ATOSA: variants seen among roughly 807,000 people sequenced by gnomAD.
ATOSA encodes atos homolog protein A.
At chr15:52,640,936 C>T in the ATOSA span, among the ~76,000 whole-genome samples, 1 of 152,054 alleles carries the variant, frequency 6.6e-6, no homozygotes, top group South Asian at 2.1e-4. Flanking sequence ...TCCAGCATCC[C>T]ATTATTGAAT....
the ATOSA span, among the ~76,000 whole-genome samples, chr15:52,648,994 C>T: frequency 2.0e-5 from 3 of 152,178 alleles, no homozygotes; most frequent in South Asian, 6.2e-4. Context: ...TATAACTGAG[C>T]CTCATCACAA....
the ATOSA span, chr15:52,581,973 G>C: frequency 1.2e-5 from 6 of 503,384 alleles, no homozygotes; most frequent in Non-Finnish European, 2.0e-5. Flanking sequence ...ATTAGGACAT[G>C]AGTTTTTCCA....
At chr15:52,621,274 C>T in the ATOSA span, among the ~76,000 whole-genome samples, 1 of 152,140 alleles carries the variant, frequency 6.6e-6, no homozygotes, top group African/African-American at 2.4e-5. Flanking sequence ...TGTGGAATCA[C>T]AAGCATATAT....
chr15:52,683,626 A>C, the ATOSA span, among the ~76,000 whole-genome samples: 1 of 152,242 alleles, frequency 6.6e-6, no homozygotes, highest in African/African-American at 2.4e-5. Flanking sequence ...TATATTTATT[A>C]GTCCATTTAA....
At chr15:52,586,354 A>G in the ATOSA span, 1 of 152,340 alleles carries the variant, frequency 6.6e-6, no homozygotes, top group South Asian at 2.1e-4. Context: ...GTATTGGAAC[A>G]ATGATGATGA....
At chr15:52,648,974 C>T in the ATOSA span, among the ~76,000 whole-genome samples, 1 of 152,052 alleles carries the variant, frequency 6.6e-6, no homozygotes, top group Non-Finnish European at 1.5e-5. Flanking sequence ...AGTCCTCATG[C>T]TGTCACTTTT....
the ATOSA span, among the ~76,000 whole-genome samples, chr15:52,667,037 G>A: frequency 5.9e-5 from 9 of 152,154 alleles, no homozygotes; most frequent in Non-Finnish European, 1.3e-4. Context: ...TGCTTGTAGT[G>A]ACTGAAGAAT....
the ATOSA span, among the ~76,000 whole-genome samples, chr15:52,695,041 C>T: frequency 6.6e-6 from 1 of 151,760 alleles, no homozygotes; most frequent in Non-Finnish European, 1.5e-5. Flanking sequence ...TATCATGCCT[C>T]GGCCTCCCAA....
At chr15:52,707,146 A>G in the ATOSA span, among the ~76,000 whole-genome samples, 1 of 152,250 alleles carries the variant, frequency 6.6e-6, no homozygotes, top group Non-Finnish European at 1.5e-5. Flanking sequence ...TTGGAAAGTT[A>G]CCATTTTACA....
the ATOSA span, among the ~76,000 whole-genome samples, chr15:52,638,384 A>G: frequency 6.6e-6 from 1 of 152,116 alleles, no homozygotes; most frequent in Non-Finnish European, 1.5e-5. Context: ...AACGTAAACT[A>G]CGGACTATGG....
At chr15:52,683,722 G>C in the ATOSA span, among the ~76,000 whole-genome samples, 1 of 152,222 alleles carries the variant, frequency 6.6e-6, no homozygotes, top group African/African-American at 2.4e-5. Context: ...TAAGCAGTTA[G>C]GCAGTAGCAG....
At chr15:52,633,332 A>T in the ATOSA span, among the ~76,000 whole-genome samples, 541 of 152,334 alleles carry the variant, frequency 3.6e-3, 4 homozygotes, top group African/African-American at 0.013. Flanking sequence ...CTTATACTTT[A>T]AACCACTCAA....
At chr15:52,634,882 G>A in the ATOSA span, among the ~76,000 whole-genome samples, 5 of 152,124 alleles carry the variant, frequency 3.3e-5, no homozygotes, top group Admixed American at 6.5e-5. Context: ...GATTACAGGT[G>A]TGAGCCATGG....
At chr15:52,706,330 A>C in the ATOSA span, among the ~76,000 whole-genome samples, 1 of 152,212 alleles carries the variant, frequency 6.6e-6, no homozygotes, top group African/African-American at 2.4e-5. Flanking sequence ...CAGGATCTTG[A>C]CTAGCCTCAG....
the ATOSA span, among the ~76,000 whole-genome samples, chr15:52,684,274 G>T: frequency 9.9e-4 from 150 of 152,256 alleles, 4 homozygotes; most frequent in Non-Finnish European, 5.1e-4. Context: ...GTAGCTCATG[G>T]CTCTAATTCT....
At chr15:52,614,404 C>T in the ATOSA span, among the ~76,000 whole-genome samples, 2 of 151,534 alleles carry the variant, frequency 1.3e-5, no homozygotes, top group Non-Finnish European at 2.9e-5. Context: ...CTGAGCCTGG[C>T]CTATAATTAC....
chr15:52,637,430 G>A, the ATOSA span, among the ~76,000 whole-genome samples: 2 of 152,084 alleles, frequency 1.3e-5, no homozygotes, highest in Non-Finnish European at 2.9e-5. Flanking sequence ...CCCCAAATTT[G>A]CTCGTCCTCT....
At chr15:52,668,039 C>T in the ATOSA span, among the ~76,000 whole-genome samples, 4 of 152,250 alleles carry the variant, frequency 2.6e-5, no homozygotes, top group African/African-American at 9.6e-5. Flanking sequence ...ACCATATCAT[C>T]CAGCAGTTCC....
chr15:52,640,571 C>CAA, the ATOSA span, among the ~76,000 whole-genome samples: 193 of 27,570 alleles, frequency 7.0e-3, 63 homozygotes, highest in African/African-American at 0.038. Context: ...ACTCAAGTCT[C>CAA]AAAAAAAAAA....
Sources: allele counts gnomAD v4.1 joint callset (sites outside exome capture counted in the v4.1 genomes callset), GRCh38; gene constraint gnomAD v4.1.1; transcripts MANE v1.5; gene names NCBI Gene and HGNC (gene_info 2026-07-23, HGNC 2026-07-21).